The following KIF11 variants were observed in gnomAD, a reference collection of about 807,000 sequenced individuals.
KIF11 encodes the protein kinesin-like protein KIF11.
KIF11 carries 9 observed loss-of-function variants against 121.0 expected under a neutral mutation model. The observed-to-expected ratio is 0.07, with a 90% CI of 0.04 to 0.13. KIF11 has a LOEUF of 0.13. Among genes scored for constraint, KIF11 ranks in the 10% least tolerant of loss-of-function variants. KIF11 has a pLI of 1.00. For missense variants in KIF11, 846 were observed against 1,217.5 expected (o/e 0.69, Z 4.54); for synonymous variants, 408 against 421.0 (o/e 0.97, Z 0.38).
At chr10:92,606,493 G>A in intron 2 of KIF11, 96 bp downstream of exon 2, 1 of 1,243,054 alleles carries the variant, frequency 8.0e-7, no homozygotes, top group Non-Finnish European at 1.1e-6. Context: ...AGAAATTTCA[G>A]TTGTCTCTGA....
chr10:92,628,968 T>G, intron 11 of KIF11, 73 bp downstream of exon 11: 892 of 669,058 alleles, frequency 1.3e-3, no homozygotes, highest in Non-Finnish European at 2.1e-3. Context: ...ATGAAAGATC[T>G]AATATTTTTT....
At position 92,630,160 on chromosome 10, in the gene KIF11, AAATTCTT is replaced by A; in HGVS notation, c.1306-14_1306-8del. 7.3e-7 allele frequency: 1 copy of A among 1,368,060 alleles called. No individual in the cohort carries two copies. The allele number at this position is 1,368,060 out of a possible 1,614,324, so 84.7% of individuals were successfully genotyped here. On this transcript the variant is annotated splice_polypyrimidine_tract_variant and intron_variant, in intron 11 of 21. Coordinates refer to ENST00000260731, the MANE Select transcript of KIF11 (RefSeq NM_004523.4). ...CCTACCAGCCAGCTCAGCGTTTTTT[AAATTCTT>A]ATATTTAGGTTACAGAGTTGTTTAT...
chr10:92,604,322 G>C (rs1844407651), intron 1 of KIF11, among the ~76,000 whole-genome samples: 1 of 152,070 alleles, frequency 6.6e-6, no homozygotes, highest in Non-Finnish European at 1.5e-5. Flanking sequence ...TATTCATTTG[G>C]TAACTTAATT....
intron 9 of KIF11, among the ~76,000 whole-genome samples, chr10:92,621,086 A>G (rs1046945048): frequency 6.6e-6 from 1 of 152,222 alleles, no homozygotes; most frequent in African/African-American, 2.4e-5. Flanking sequence ...AGATGCTTTT[A>G]TAAGGAATCC....
intron 1 of KIF11, among the ~76,000 whole-genome samples, chr10:92,598,770 GT>G (rs965395183): frequency 2.0e-5 from 3 of 151,300 alleles, no homozygotes; most frequent in Non-Finnish European, 3.0e-5. Flanking sequence ...TCTGCCAGCA[GT>G]TTTTTTTTGT....
chr10:92,649,688 C>CT, intron 19 of KIF11, 147 bp from the exon 20 acceptor site: 1 of 552,002 alleles, frequency 1.8e-6, no homozygotes, highest in African/African-American at 1.9e-5. Context: ...CAAACAATGT[C>CT]TGACAGGTAG....
At chr10:92,595,976 C>G (rs1340649443) in intron 1 of KIF11, among the ~76,000 whole-genome samples, 2 of 152,096 alleles carry the variant, frequency 1.3e-5, no homozygotes, top group Non-Finnish European at 2.9e-5. Context: ...CTTCATATGT[C>G]AATGGATACT....
chr10:92,605,632 A>G (rs561084031), intron 1 of KIF11, among the ~76,000 whole-genome samples: 3 of 152,024 alleles, frequency 2.0e-5, no homozygotes, highest in Non-Finnish European at 2.9e-5. Flanking sequence ...GATTACAGGC[A>G]TGCACCACCA....
chr10:92,596,246 G>A (rs546645217), intron 1 of KIF11, among the ~76,000 whole-genome samples: 1 of 152,266 alleles, frequency 6.6e-6, no homozygotes, highest in Admixed American at 6.5e-5. Context: ...CTTGTGATCT[G>A]CCCGCCTTGG....
At position 92,630,039 on chromosome 10, in the gene KIF11, A is replaced by G. The variant is rs1279551541; in HGVS notation, c.1306-137A>G. The G allele has an allele frequency of 5.4e-6, 3 of 552,136 alleles. No homozygotes were observed. The African/African-American group carries it at 5.9e-5, about 11-fold the overall frequency. The allele number at this position is 552,136 out of a possible 1,614,324, so 34.2% of individuals were successfully genotyped here. A position where few individuals can be genotyped will look rare whatever the true frequency, so the allele number is the denominator to read the frequency against. ...GAGTAAGATTACAGAAAGAAACAGG[A>G]TGACATATTTGTGTTAACCTACCGG... On this transcript the variant is annotated intron_variant, in intron 11 of 21. Coordinates refer to ENST00000260731, the MANE Select transcript of KIF11 (RefSeq NM_004523.4).
intron 14 of KIF11, among the ~76,000 whole-genome samples, chr10:92,634,645 T>G (rs10882095): frequency 0.31 from 47,191 of 152,076 alleles, 8,252 homozygotes; most frequent in East Asian, 0.67. Context: ...TATTTTCAAA[T>G]GTATGGAACT....
At chr10:92,618,658 G>A (rs867972497) in intron 9 of KIF11, among the ~76,000 whole-genome samples, 145 of 137,912 alleles carry the variant, frequency 1.1e-3, no homozygotes, top group African/African-American at 3.6e-3. Context: ...AAAAAAAAAA[G>A]AAAAAAAGTA....
rs1554863366 is a variant in KIF11 at position 92,651,507 on chromosome 10, G to GTATTTTTTTT, written c.3039+991_3039+992insATTTTTTTTT. Among the ~76,000 whole-genome samples, 373 of 52,962 alleles carry GTATTTTTTTT rather than the reference G, an allele frequency of 7.0e-3. 100 individuals are homozygous for GTATTTTTTTT. The highest frequency in any genetic ancestry group is 0.023 in the Admixed American group (90 of 3,932). 34.7% of individuals were successfully genotyped at this position (52,962 alleles called of 152,430 possible). On this transcript the variant is annotated intron_variant, in intron 21 of 21. Coordinates refer to ENST00000260731, the MANE Select transcript of KIF11 (RefSeq NM_004523.4). The stretch of plus-strand genomic sequence containing the variant: ...TGTGCCACCATGCCTGGCTAATTTT[G>GTATTTTTTTT]TTTTTTTTTTTTTTTTTTTTTTTTT...
chr10:92,609,035 A>G lies in KIF11; in HGVS notation c.403A>G (p.Ile135Val), dbSNP rs762711371. ...YTWEEDPLAG[I>V]IPRTLHQIFE... ...ATAATTTCAGGATCCCTTGGCTGGT[A>G]TAATTCCACGTACCCTTCATCAAAT... Residue 135 changes from isoleucine to valine, a missense_variant, in exon 5 of 22, where the codon ATA (isoleucine) becomes GTA (valine). By Grantham distance (29) the Ile-to-Val change is conservative. This residue lies in a region of KIF11 where 140 missense variants were observed against 193.5 expected (regional missense o/e 0.72). Transcript: ENST00000260731. The G allele has an allele frequency of 2.6e-6, 4 of 1,564,314 alleles. No homozygotes were observed. The highest frequency in any genetic ancestry group is 4.5e-5 in the East Asian group (2 of 44,400).
intron 2 of KIF11, 87 bp downstream of exon 2, chr10:92,606,484 G>C (rs1844432199): frequency 6.3e-6 from 8 of 1,274,798 alleles, no homozygotes; most frequent in Admixed American, 2.6e-5. Context: ...TGTATACTTA[G>C]AAATTTCAGT....
intron 14 of KIF11, among the ~76,000 whole-genome samples, chr10:92,636,696 A>G (rs1399024230): frequency 6.6e-6 from 1 of 151,912 alleles, no homozygotes. Flanking sequence ...AATATAATAA[A>G]TTATTGTATT....
At chr10:92,602,502 T>A (rs1844382707) in intron 1 of KIF11, among the ~76,000 whole-genome samples, 1 of 152,166 alleles carries the variant, frequency 6.6e-6, no homozygotes, top group African/African-American at 2.4e-5. Context: ...AGTATTGTGT[T>A]TCTAGGAATT....
intron 21 of KIF11, among the ~76,000 whole-genome samples, chr10:92,652,310 T>C (rs1019191794): frequency 6.6e-6 from 1 of 152,016 alleles, no homozygotes; most frequent in Non-Finnish European, 1.5e-5. Flanking sequence ...CTGGCTAATA[T>C]TGTATTTTTA....
Position 92,648,331 on chromosome 10 carries a change from T to C in KIF11, c.2667T>C (p.Asp889=), listed in dbSNP as rs1844943554. Residue 889 remains aspartate, a synonymous_variant, in exon 19 of 22, where the codon GAT becomes GAC. Coordinates refer to ENST00000260731, the MANE Select transcript of KIF11 (RefSeq NM_004523.4). ...TTGATCAGATGACTATTGATGAAGATAAATTGATAGCACAAAATCTAGAAC... is the reference window on the plus strand; with the variant it reads ...TTGATCAGATGACTATTGATGAAGACAAATTGATAGCACAAAATCTAGAAC... ...IFLDQMTIDE[D]KLIAQNLELN... The C allele has an allele frequency of 1.9e-6, 3 of 1,612,006 alleles. No homozygotes were observed. Among genetic ancestry groups the C allele is most frequent in the East Asian group, 2.2e-5 (1 of 44,830 alleles).
Sources: gnomAD v4.1 joint callset for allele counts (sites outside exome capture counted in the v4.1 genomes callset) on GRCh38, gnomAD v4.1.1 for gene constraint, gnomAD v4.1.1 regional missense constraint, MANE v1.5 for transcripts, NCBI Gene and HGNC (gene_info 2026-07-23, HGNC 2026-07-21) for gene names.